The following CSMD3 variants were observed in gnomAD, a reference collection of about 807,000 sequenced individuals.
CSMD3 encodes the protein CUB and Sushi multiple domains 3.
A neutral mutation model predicts 435.2 loss-of-function variants in CSMD3; 177 were observed. That is an observed-to-expected ratio of 0.41 (90% CI 0.36 to 0.46). The LOEUF is 0.46. Ranked by LOEUF, CSMD3 falls within the 20% of genes least tolerant of loss-of-function variation. CSMD3 has a pLI of 0.34. For synonymous variants in CSMD3, 1,656 were observed against 1,520.5 expected, an observed-to-expected ratio of 1.09 and a Z score of -2.07; for missense variants, 4,265 against 4,504.6, an observed-to-expected ratio of 0.95 and a Z score of 1.52.
intron 52 of CSMD3, 59 bp downstream of exon 52, chr8:112,304,662 C>G (rs2130775621): frequency 2.3e-6 from 3 of 1,301,464 alleles, no homozygotes; most frequent in Admixed American, 3.4e-5. Context: ...GGAACTGATT[C>G]AAACAATTCG....
intron 1 of CSMD3, among the ~76,000 whole-genome samples, chr8:113,406,476 T>C (rs2094533256): frequency 6.6e-6 from 1 of 151,984 alleles, no homozygotes; most frequent in Admixed American, 6.6e-5. Flanking sequence ...GCACTAACAA[T>C]AGGTTACTAA....
chr8:112,461,781 A>G (rs1443922296), intron 32 of CSMD3, among the ~76,000 whole-genome samples: 2 of 152,208 alleles, frequency 1.3e-5, no homozygotes, highest in African/African-American at 4.8e-5. Flanking sequence ...TTATATAACT[A>G]ATCTTACTTT....
At chr8:112,488,070 A>G (rs1460076274) in intron 31 of CSMD3, among the ~76,000 whole-genome samples, 1 of 152,202 alleles carries the variant, frequency 6.6e-6, no homozygotes, top group Non-Finnish European at 1.5e-5. Flanking sequence ...GCTAAACTGC[A>G]AAGTTTCTCA....
intron 18 of CSMD3, among the ~76,000 whole-genome samples, chr8:112,651,270 A>G (rs2075120012): frequency 6.6e-6 from 1 of 152,212 alleles, no homozygotes; most frequent in Admixed American, 6.5e-5. Flanking sequence ...TAATTATATT[A>G]AATCATATTT....
At chr8:112,716,966 C>A (rs1004697522) in intron 13 of CSMD3, among the ~76,000 whole-genome samples, 2 of 152,016 alleles carry the variant, frequency 1.3e-5, no homozygotes, top group Admixed American at 1.3e-4. Flanking sequence ...CATAAAAACC[C>A]TAGAAGAAAA....
intron 14 of CSMD3, among the ~76,000 whole-genome samples, chr8:112,688,727 T>A (rs1478205779): frequency 6.6e-6 from 1 of 152,050 alleles, no homozygotes; most frequent in Admixed American, 6.6e-5. Context: ...TTATTACTGG[T>A]ATATAAAACA....
At chr8:112,332,525 A>C (rs1360219076) in intron 45 of CSMD3, among the ~76,000 whole-genome samples, 2 of 152,182 alleles carry the variant, frequency 1.3e-5, no homozygotes, top group Non-Finnish European at 2.9e-5. Flanking sequence ...GGCCTCATGC[A>C]TTCTTGAAAA....
At chr8:113,099,233 G>A (rs1303280700) in intron 4 of CSMD3, among the ~76,000 whole-genome samples, 2 of 151,956 alleles carry the variant, frequency 1.3e-5, no homozygotes, top group African/African-American at 2.4e-5. Context: ...TCTAAAATTA[G>A]ACATTAGGAA....
At chr8:113,222,355 G>A (rs16884440) in intron 3 of CSMD3, among the ~76,000 whole-genome samples, 24,258 of 150,434 alleles carry the variant, frequency 0.16, 3,887 homozygotes, top group African/African-American at 0.41. Context: ...GTATAAAAAA[G>A]AAGAGTCTTT....
chr8:112,836,186 T>C (rs925363333), intron 11 of CSMD3, among the ~76,000 whole-genome samples: 2 of 151,868 alleles, frequency 1.3e-5, no homozygotes, highest in African/African-American at 4.8e-5. Flanking sequence ...TCTCTATTAA[T>C]GTAGATAGAA....
chr8:112,852,009 G>A (rs931416013), intron 11 of CSMD3, among the ~76,000 whole-genome samples: 1 of 152,172 alleles, frequency 6.6e-6, no homozygotes, highest in South Asian at 2.1e-4. Context: ...AGCAGTGAGG[G>A]AGCCAGGAGC....
At chr8:112,724,668 G>A (rs771294354) in intron 13 of CSMD3, among the ~76,000 whole-genome samples, 3 of 152,070 alleles carry the variant, frequency 2.0e-5, no homozygotes, top group Non-Finnish European at 2.9e-5. Context: ...CAGCATATTT[G>A]GGCTGGCAGT....
intron 45 of CSMD3, among the ~76,000 whole-genome samples, chr8:112,325,794 C>A (rs1823452016): frequency 6.6e-6 from 1 of 151,978 alleles, no homozygotes; most frequent in Non-Finnish European, 1.5e-5. Context: ...CACTGAAAAA[C>A]TGGCAAAACT....
At chr8:112,859,879 C>T (rs1254563494) in intron 10 of CSMD3, among the ~76,000 whole-genome samples, 1 of 151,794 alleles carries the variant, frequency 6.6e-6, no homozygotes, top group Admixed American at 6.6e-5. Context: ...CATACTGTTT[C>T]TGTTTCTTGC....
intron 18 of CSMD3, 138 bp from the exon 19 acceptor site, chr8:112,650,487 C>T: frequency 1.4e-6 from 1 of 735,728 alleles, no homozygotes; most frequent in Admixed American, 2.2e-5. Context: ...TTAAAATCAG[C>T]AATTTATTTA....
intron 4 of CSMD3, among the ~76,000 whole-genome samples, chr8:113,115,683 A>G (rs2090802136): frequency 6.6e-6 from 1 of 152,186 alleles, no homozygotes. Context: ...TAACTGTATT[A>G]TCTCTAGTGA....
intron 16 of CSMD3, among the ~76,000 whole-genome samples, chr8:112,670,259 G>A (rs1256445262): frequency 6.6e-6 from 1 of 152,158 alleles, no homozygotes; most frequent in Non-Finnish European, 1.5e-5. Flanking sequence ...ATAGAGGATT[G>A]AGTTAGCATA....
At chr8:113,325,390 G>A (rs944998908) in intron 1 of CSMD3, among the ~76,000 whole-genome samples, 1 of 152,040 alleles carries the variant, frequency 6.6e-6, no homozygotes, top group African/African-American at 2.4e-5. Context: ...AAGAACTAAT[G>A]GTATTATATG....
intron 10 of CSMD3, among the ~76,000 whole-genome samples, chr8:112,888,545 T>C (rs2081679990): frequency 6.6e-6 from 1 of 151,692 alleles, no homozygotes; most frequent in African/African-American, 2.4e-5. Context: ...AATACATGCA[T>C]GTGCCATCCA....
Sources: gnomAD v4.1 joint callset for allele counts (sites outside exome capture counted in the v4.1 genomes callset) on GRCh38, gnomAD v4.1.1 for gene constraint, MANE v1.5 for transcripts, NCBI Gene and HGNC (gene_info 2026-07-23, HGNC 2026-07-21) for gene names.